EDIL3: variants seen among roughly 807,000 people sequenced by gnomAD.
EDIL3 encodes the protein EGF like and discoidin domains 3, also known as EGF-like repeat and discoidin I-like domain-containing protein 3.
A neutral mutation model predicts 67.4 loss-of-function variants in EDIL3; 37 were observed. The observed-to-expected ratio is 0.55, with a 90% CI of 0.42 to 0.72. The LOEUF (loss-of-function observed/expected upper bound fraction) is 0.72, where lower values mean the gene tolerates loss of function less well. EDIL3 is among the 30% of genes least tolerant of loss of function. EDIL3 has a pLI of 0.00. For synonymous variants in EDIL3, 195 were observed against 196.3 expected (o/e 0.99, Z 0.05); for missense variants, 527 against 586.3 (o/e 0.90, Z 1.04).
intron 4 of EDIL3, among the ~76,000 whole-genome samples, chr5:84,139,075 T>C (rs995690312): frequency 2.0e-5 from 3 of 151,912 alleles, no homozygotes; most frequent in Admixed American, 2.0e-4. Flanking sequence ...TTGTCTCTAC[T>C]AAAAATACAA....
chr5:84,193,282 A>T (rs992218528), intron 3 of EDIL3, among the ~76,000 whole-genome samples: 1 of 151,844 alleles, frequency 6.6e-6, no homozygotes, highest in Non-Finnish European at 1.5e-5. Flanking sequence ...CCTGGATTAG[A>T]GTGGTGGGCT....
intron 1 of EDIL3, among the ~76,000 whole-genome samples, chr5:84,343,740 G>A (rs1747174030): frequency 6.6e-6 from 1 of 151,962 alleles, no homozygotes; most frequent in African/African-American, 2.4e-5. Flanking sequence ...TGTGGACTCT[G>A]GTTTCACTCT....
At chr5:83,956,006 G>A (rs1338732223) in intron 10 of EDIL3, among the ~76,000 whole-genome samples, 3 of 151,794 alleles carry the variant, frequency 2.0e-5, no homozygotes, top group African/African-American at 7.2e-5. Flanking sequence ...TAAACTGAAT[G>A]ACTTCTTAAA....
chr5:84,148,564 A>C (rs1373883928), intron 4 of EDIL3, among the ~76,000 whole-genome samples: 2 of 152,142 alleles, frequency 1.3e-5, no homozygotes, highest in Non-Finnish European at 2.9e-5. Flanking sequence ...GTAAATACAG[A>C]AAAGACTCCT....
intron 9 of EDIL3, among the ~76,000 whole-genome samples, chr5:84,029,086 T>A (rs1222113083): frequency 6.6e-6 from 1 of 152,088 alleles, no homozygotes; most frequent in Non-Finnish European, 1.5e-5. Flanking sequence ...TGAAACCCCA[T>A]CTCTACTAAA....
chr5:84,332,620 G>A (rs1194511045), intron 1 of EDIL3, among the ~76,000 whole-genome samples: 1 of 152,074 alleles, frequency 6.6e-6, no homozygotes, highest in Non-Finnish European at 1.5e-5. Context: ...GCAAAAGGAG[G>A]GCCCAGGGCA....
At chr5:84,255,476 G>T (rs1365580109) in intron 1 of EDIL3, among the ~76,000 whole-genome samples, 1 of 152,122 alleles carries the variant, frequency 6.6e-6, no homozygotes, top group Non-Finnish European at 1.5e-5. Flanking sequence ...CACAGGATTT[G>T]AATCAGATGC....
chr5:84,041,171 C>T (rs1208544524), intron 9 of EDIL3, among the ~76,000 whole-genome samples: 1 of 151,598 alleles, frequency 6.6e-6, no homozygotes, highest in African/African-American at 2.4e-5. Context: ...AAGAGGTTGC[C>T]TTTAAACGAA....
chr5:84,170,110 T>G (rs1464111712), intron 4 of EDIL3, among the ~76,000 whole-genome samples: 1 of 152,220 alleles, frequency 6.6e-6, no homozygotes, highest in East Asian at 1.9e-4. Context: ...TCATGAAAAT[T>G]TATTCTCTTG....
intron 2 of EDIL3, among the ~76,000 whole-genome samples, chr5:84,233,179 CAG>C (rs1328998884): frequency 1.3e-5 from 2 of 152,034 alleles, no homozygotes; most frequent in Non-Finnish European, 2.9e-5. Flanking sequence ...GGTAGGAAAA[CAG>C]AGGTAAAAAA....
chr5:84,145,262 G>A (rs1402020688), intron 4 of EDIL3, among the ~76,000 whole-genome samples: 3 of 152,092 alleles, frequency 2.0e-5, no homozygotes, highest in Non-Finnish European at 4.4e-5. Flanking sequence ...GGTGCTTAAA[G>A]GATGAGCAGG....
At chr5:84,040,566 A>G (rs1321336616) in intron 9 of EDIL3, among the ~76,000 whole-genome samples, 1 of 150,654 alleles carries the variant, frequency 6.6e-6, no homozygotes, top group Non-Finnish European at 1.5e-5. Context: ...AGATACGAAA[A>G]CAGATCTTCT....
rs115077771 is a variant in EDIL3, at chr5:84,248,561, A to G, written c.196+5523T>C. On this transcript the variant is annotated intron_variant, in intron 2 of 10. Coordinates refer to ENST00000296591, the MANE Select transcript of EDIL3 (RefSeq NM_005711.5). The stretch of plus-strand genomic sequence containing the variant: ...ACTCATCCATTCCCTAAGCTTCAAT[A>G]ACCATCTATGTAATTATGACTTCTA... Among the ~76,000 whole-genome samples, 997 of 152,276 alleles carry G rather than the reference A, an allele frequency of 6.5e-3. 14 individuals are homozygous for G. Among genetic ancestry groups the G allele is most frequent in the African/African-American group, 0.023 (950 of 41,554 alleles).
At chr5:84,349,183 T>C (rs56373242) in intron 1 of EDIL3, among the ~76,000 whole-genome samples, 4,478 of 152,252 alleles carry the variant, frequency 0.029, 215 homozygotes, top group African/African-American at 0.1. Flanking sequence ...ACAGCTTGCT[T>C]TCCCAAGCAG....
At chr5:84,091,788 T>G (rs1020578382) in intron 6 of EDIL3, among the ~76,000 whole-genome samples, 6 of 152,210 alleles carry the variant, frequency 3.9e-5, no homozygotes, top group African/African-American at 1.4e-4. Context: ...CCAGTAAACT[T>G]TCTATGCTCT....
intron 5 of EDIL3, among the ~76,000 whole-genome samples, chr5:84,133,215 T>G (rs974859822): frequency 1.3e-5 from 2 of 152,112 alleles, no homozygotes; most frequent in Non-Finnish European, 2.9e-5. Flanking sequence ...TCAGTTAAAT[T>G]TACATGACAA....
intron 3 of EDIL3, among the ~76,000 whole-genome samples, chr5:84,189,002 A>G: frequency 6.6e-6 from 1 of 151,976 alleles, no homozygotes; most frequent in Non-Finnish European, 1.5e-5. Context: ...GCACTATTTC[A>G]CCCGCCTTAT....
Position 84,055,267 on chromosome 5 carries a change from T to G in EDIL3, c.1137+5033A>C, listed in dbSNP as rs1407634549. Among the ~76,000 whole-genome samples, 11 of 146,684 alleles carry G rather than the reference T, an allele frequency of 7.5e-5. 1 individual carries two copies. In the East Asian group the frequency reaches 1.4e-3, roughly 19 times the overall value. On this transcript the variant is annotated intron_variant, in intron 9 of 10. Coordinates refer to ENST00000296591, the MANE Select transcript of EDIL3 (RefSeq NM_005711.5). ...AACTGGCTAGCCATATGTAGAAAGC[T>G]GAAACTGGATCCCTTCCTCGCACCT...
chr5:84,255,154 T>C (rs776321315), intron 1 of EDIL3, among the ~76,000 whole-genome samples: 24 of 152,298 alleles, frequency 1.6e-4, no homozygotes, highest in Middle Eastern at 3.4e-3. Flanking sequence ...AGGGAAGTAG[T>C]ATACAAGGAC....
Sources: gnomAD v4.1 joint callset for allele counts (sites outside exome capture counted in the v4.1 genomes callset) on GRCh38, gnomAD v4.1.1 for gene constraint, MANE v1.5 for transcripts, NCBI Gene and HGNC (gene_info 2026-07-23, HGNC 2026-07-21) for gene names.